The following QARS1 variants were observed in gnomAD, a reference collection of about 807,000 sequenced individuals.
QARS1 encodes glutamine--tRNA ligase.
QARS1 carries 79 observed loss-of-function variants against 106.9 expected under a neutral mutation model. The ratio of observed to expected loss-of-function variants is 0.74; its 90% CI spans 0.62 to 0.89. The LOEUF is 0.89. QARS1 is among the 40% of genes least tolerant of loss of function. The pLI, the probability that QARS1 is intolerant of heterozygous loss-of-function variation, is 0.00. For synonymous variants in QARS1, 395 were observed against 367.7 expected (o/e 1.07, Z -0.85); for missense variants, 966 against 997.2 (o/e 0.97, Z 0.42).
chr3:49,096,206 C>A (rs1559964714), intron 23 of QARS1, 127 bp from the exon 24 acceptor site: 4 of 930,852 alleles, frequency 4.3e-6, no homozygotes, highest in Non-Finnish European at 6.6e-6. Flanking sequence ...GACTAAGGGT[C>A]AGGAGGCCCG....
At chr3:49,097,163 C>G (rs562377016) in intron 23 of QARS1, 1 of 152,032 alleles carries the variant, frequency 6.6e-6, no homozygotes, top group South Asian at 2.1e-4. Flanking sequence ...ATTAGCCAGG[C>G]ATGGTAGTGT....
intron 14 of QARS1, 25 bp from the exon 15 acceptor site, chr3:49,099,878 T>C (rs761372247): frequency 6.2e-7 from 1 of 1,612,486 alleles, no homozygotes; most frequent in East Asian, 2.2e-5. Context: ...CAGTGGGCCC[T>C]ACCATCCAGC....
At chr3:49,101,998 GAGACA>G in intron 7 of QARS1, 99 bp from the exon 8 acceptor site, 1 of 1,388,668 alleles carries the variant, frequency 7.2e-7, no homozygotes, top group Non-Finnish European at 9.9e-7. Flanking sequence ...CTCAATTCCA[GAGACA>G]AGATATCTAG....
At chr3:49,103,828 C>A (rs1168040605) in intron 3 of QARS1, 35 bp downstream of exon 3, 2 of 1,605,742 alleles carry the variant, frequency 1.2e-6, no homozygotes, top group African/African-American at 1.3e-5. Context: ...ATGGCCAGGA[C>A]TGGGGAGGCA....
intron 5 of QARS1, chr3:49,102,744 C>T: frequency 1.9e-6 from 1 of 522,316 alleles, no homozygotes; most frequent in Non-Finnish European, 3.7e-6. Context: ...TGGATTCAAG[C>T]GATTTTCCTA....
Position 49,098,919 on chromosome 3 carries a change from G to A in QARS1, c.1829C>T (p.Pro610Leu). The A allele has an allele frequency of 6.2e-7, 1 of 1,614,034 alleles. No individual in the cohort carries two copies. Among genetic ancestry groups the A allele is most frequent in the Non-Finnish European group, 8.5e-7 (1 of 1,179,942 alleles). ...GTCAGTCCTCTCAATGAAGACAATGGGTGCAAAGGGAACCTGATGGAAGCC... is the reference window on the plus strand; with the variant it reads ...GTCAGTCCTCTCAATGAAGACAATGAGTGCAAAGGGAACCTGATGGAAGCC... ...TKGFHQVPFAPIVFIERTDFK... is the reference protein window; with the variant it reads ...TKGFHQVPFALIVFIERTDFK... The change falls in exon 19 of 24, where the codon CCC becomes CTC. Residue 610 changes from proline to leucine, a missense_variant. Pro to Leu is a moderately conservative substitution (Grantham distance 98). Coordinates refer to ENST00000306125, the MANE Select transcript of QARS1 (RefSeq NM_005051.3).
In QARS1 at chr3:49,098,016, C is replaced by A. The variant is rs751751662; in HGVS notation, c.2253G>T (p.Val751=). ...FQFERLGYFS[V]DPDSHQGKLV... ...CCTTTCCCTGATGGCTGTCTGGATC[C>A]ACGGAGAAATATCCAAGACGCTCAA... The change falls in exon 23 of 24, where the codon GTG becomes GTT. Residue 751 remains valine, a synonymous_variant. Transcript: ENST00000306125. 2.5e-5 allele frequency: 40 copies of A among 1,614,066 alleles called. No homozygotes were observed. Among genetic ancestry groups the A allele is most frequent in the Non-Finnish European group, 3.2e-5 (38 of 1,180,036 alleles).
chr3:49,100,430 C>G lies in QARS1; in HGVS notation c.1005G>C (p.Ala335=). Residue 335 remains alanine (A), a synonymous_variant, in exon 12 of 24, where the codon GCG becomes GCC. Coordinates refer to ENST00000306125, the MANE Select transcript of QARS1 (RefSeq NM_005051.3). ...CATATAGCTGGTCAAAATAGTCAGACGCATATGTGACTTTGTAAGGTGTGT... is the reference window on the plus strand; with the variant it reads ...CATATAGCTGGTCAAAATAGTCAGAGGCATATGTGACTTTGTAAGGTGTGT... ...LGYTPYKVTY[A]SDYFDQLYAW... 6.2e-7 allele frequency: 1 copy of G among 1,614,212 alleles called. No homozygotes were observed.
At chr3:49,103,568 C>T in intron 4 of QARS1, 63 bp downstream of exon 4, 1 of 1,579,658 alleles carries the variant, frequency 6.3e-7, no homozygotes, top group Non-Finnish European at 8.6e-7. Flanking sequence ...CCTTCTCACT[C>T]GTGCCCAGAA....
At position 49,100,445 on chromosome 3, in the gene QARS1, G is replaced by A; in HGVS notation, c.990C>T (p.Tyr330=). 1 of 1,614,214 alleles carries A rather than the reference G, an allele frequency of 6.2e-7. No homozygotes were observed. Among genetic ancestry groups the A allele is most frequent in the Non-Finnish European group, 8.5e-7 (1 of 1,180,020 alleles). ...DMVAWLGYTP[Y]KVTYASDYFD... ...AATAGTCAGACGCATATGTGACTTT[G>A]TAAGGTGTGTAGCCTGGGGCAAAAT... The change falls in exon 12 of 24, where the codon TAC becomes TAT. Residue 330 remains tyrosine, a synonymous_variant. Coordinates refer to ENST00000306125, the MANE Select transcript of QARS1 (RefSeq NM_005051.3).
At chr3:49,102,106 C>A in intron 7 of QARS1, 99 bp downstream of exon 7, 2 of 1,496,214 alleles carry the variant, frequency 1.3e-6, no homozygotes, top group Non-Finnish European at 1.9e-6. Flanking sequence ...AGTCAGGGTA[C>A]TGAGTAAGCC....
chr3:49,104,509 A>T (rs771855978), intron 1 of QARS1, 38 bp from the exon 2 acceptor site: 1 of 1,611,072 alleles, frequency 6.2e-7, no homozygotes, highest in East Asian at 2.2e-5. Context: ...CCCCGCGCTC[A>T]GTGAGAGGAA....
rs532793779 is a variant in QARS1, at chr3:49,098,575, T to C, written c.1956+25A>G. 2.4e-4 allele frequency: 385 copies of C among 1,607,646 alleles called. 1 individual carries two copies. The Admixed American group carries it at 5.1e-3, about 21-fold the overall frequency. ...ATCTTGGCCCCAGCAGGCACTGCAG[T>C]AGGAAGGCTGCAGCTGGCTCTCACC... On this transcript the variant is annotated intron_variant, in intron 20 of 23. Transcript: ENST00000306125.
chr3:49,099,970 C>T lies in QARS1; in HGVS notation c.1286G>A (p.Gly429Glu), dbSNP rs2042446400. The T allele has an allele frequency of 1.2e-6, 2 of 1,614,206 alleles. No individual in the cohort carries two copies. The highest frequency in any genetic ancestry group is 1.7e-6 in the Non-Finnish European group (2 of 1,180,036). Residue 429 changes from glycine to glutamate, a missense_variant, in exon 14 of 24, where the codon GGG (glycine) becomes GAG (glutamate). Gly to Glu is a moderately conservative substitution (Grantham distance 98, BLOSUM62 -2). Transcript: ENST00000306125. ...RVKYTPHHRT[G>E]DKWCIYPTYD... ...CCCATTCTACACCCACCATTTGTCCCCTGTGCGGTGGTGTGGTGTATACTT... is the reference window on the plus strand; with the variant it reads ...CCCATTCTACACCCACCATTTGTCCTCTGTGCGGTGGTGTGGTGTATACTT...
intron 10 of QARS1, among the ~76,000 whole-genome samples, chr3:49,101,079 C>T (rs1208316933): frequency 6.6e-6 from 1 of 152,224 alleles, no homozygotes; most frequent in Non-Finnish European, 1.5e-5. Context: ...GAGCTTCTCT[C>T]ACCTTCCTGT....
intron 23 of QARS1, chr3:49,097,328 A>G (rs762060479): frequency 1.3e-5 from 2 of 151,868 alleles, no homozygotes; most frequent in Non-Finnish European, 2.9e-5. Context: ...TGCCTTAACG[A>G]AAGATATTAA....
In QARS1 at chr3:49,098,020, G is replaced by A. The variant is rs1293778465; in HGVS notation, c.2249C>T (p.Ser750Phe). 6.2e-7 allele frequency: 1 copy of A among 1,614,184 alleles called. No individual in the cohort carries two copies. Among genetic ancestry groups the A allele is most frequent in the Admixed American group, 1.7e-5 (1 of 60,012 alleles). The change falls in exon 23 of 24, where the codon TCC becomes TTC. Residue 750 changes from serine to phenylalanine, a missense_variant. Ser to Phe is a radical substitution (Grantham distance 155). Transcript: ENST00000306125. Reference protein sequence around the residue: ...KFQFERLGYFSVDPDSHQGKL... With the variant: ...KFQFERLGYFFVDPDSHQGKL... ...TCCCTGATGGCTGTCTGGATCCACG[G>A]AGAAATATCCAAGACGCTCAAACTG...
intron 3 of QARS1, 38 bp downstream of exon 3, chr3:49,103,825 G>A: frequency 1.2e-6 from 2 of 1,606,080 alleles, no homozygotes; most frequent in Non-Finnish European, 1.7e-6. Flanking sequence ...TCCATGGCCA[G>A]GACTGGGGAG....
At chr3:49,101,730 GGA>G in intron 8 of QARS1, 25 bp from the exon 9 acceptor site, 1 of 1,613,682 alleles carries the variant, frequency 6.2e-7, no homozygotes, top group Admixed American at 1.7e-5. Context: ...ATAAGCCTAA[GGA>G]CCAGGCTGCA....
Sources: allele counts gnomAD v4.1 joint callset (sites outside exome capture counted in the v4.1 genomes callset), GRCh38; gene constraint gnomAD v4.1.1; transcripts MANE v1.5; gene names NCBI Gene and HGNC (gene_info 2026-07-23, HGNC 2026-07-21).